The following NREP variants were observed in gnomAD, a reference collection of about 807,000 sequenced individuals.
The protein encoded by NREP is neuronal regeneration-related protein.
NREP carries 5 observed loss-of-function variants against 8.6 expected under a neutral mutation model. The ratio of observed to expected loss-of-function variants is 0.58; its 90% CI spans 0.30 to 1.22. The LOEUF (loss-of-function observed/expected upper bound fraction) is 1.22, where lower values mean the gene tolerates loss of function less well. Among genes scored for constraint, NREP ranks in the 50% most tolerant of loss-of-function variants. The pLI, the probability that NREP is intolerant of heterozygous loss-of-function variation, is 0.07. For missense variants in NREP, 86 were observed against 82.5 expected (o/e 1.04, Z -0.17); for synonymous variants, 27 against 28.0 (o/e 0.96, Z 0.11).
intron 2 of NREP, among the ~76,000 whole-genome samples, chr5:111,857,709 G>A (rs562131918): frequency 1.3e-5 from 2 of 152,164 alleles, no homozygotes; most frequent in African/African-American, 4.8e-5. Flanking sequence ...CTTTTTGTTG[G>A]TTTTGTTCAC....
intron 2 of NREP, among the ~76,000 whole-genome samples, chr5:111,858,781 G>C (rs924794098): frequency 6.6e-6 from 1 of 152,086 alleles, no homozygotes; most frequent in South Asian, 2.1e-4. Flanking sequence ...GCTAGAACTT[G>C]ATCTGGCCAT....
intron 2 of NREP, among the ~76,000 whole-genome samples, chr5:111,915,840 G>T (rs942463565): frequency 6.6e-6 from 1 of 151,840 alleles, no homozygotes; most frequent in Non-Finnish European, 1.5e-5. Context: ...TTGATTTCAC[G>T]GCCTGTTCAT....
chr5:111,974,786 A>G (rs1416166560), intron 2 of NREP, among the ~76,000 whole-genome samples: 1 of 152,230 alleles, frequency 6.6e-6, no homozygotes, highest in Non-Finnish European at 1.5e-5. Context: ...ATTCTTACAT[A>G]CCTATAAAAT....
At chr5:111,812,278 C>A (rs1017493193) in intron 2 of NREP, among the ~76,000 whole-genome samples, 2 of 151,246 alleles carry the variant, frequency 1.3e-5, no homozygotes, top group South Asian at 2.1e-4. Context: ...AAGAGTGAGA[C>A]CCTGTCTCAA....
chr5:111,939,583 G>T (rs527752587), intron 2 of NREP, among the ~76,000 whole-genome samples: 3 of 151,982 alleles, frequency 2.0e-5, no homozygotes, highest in East Asian at 3.9e-4. Flanking sequence ...TCGAGTTGCC[G>T]CACGTGCAAG....
chr5:111,815,611 C>T (rs567917213), intron 2 of NREP, among the ~76,000 whole-genome samples: 4 of 151,122 alleles, frequency 2.6e-5, no homozygotes, highest in East Asian at 1.9e-4. Context: ...ATACAATCAC[C>T]GATATAAAGA....
intron 2 of NREP, among the ~76,000 whole-genome samples, chr5:111,801,533 A>C (rs1207826040): frequency 2.0e-5 from 3 of 152,200 alleles, no homozygotes; most frequent in African/African-American, 7.2e-5. Context: ...CTTTTTCATC[A>C]AAGCAGAAGG....
chr5:111,763,791 C>A (rs185598683), intron 2 of NREP, among the ~76,000 whole-genome samples: 1 of 152,186 alleles, frequency 6.6e-6, no homozygotes, highest in Non-Finnish European at 1.5e-5. Flanking sequence ...TGTGCGCGCA[C>A]GCGCATGCTT....
intron 2 of NREP, among the ~76,000 whole-genome samples, chr5:111,875,545 G>T (rs764690337): frequency 6.6e-6 from 1 of 152,058 alleles, no homozygotes; most frequent in Non-Finnish European, 1.5e-5. Flanking sequence ...AAATTTCTTA[G>T]ACCACCAGAA....
intron 2 of NREP, among the ~76,000 whole-genome samples, chr5:111,958,052 C>A (rs1329632078): frequency 2.6e-5 from 4 of 151,746 alleles, no homozygotes; most frequent in African/African-American, 4.8e-5. Context: ...ACAGCAAACA[C>A]CTTATGAAAT....
chr5:111,757,395 A>G (rs2112856935), upstream of NREP: 4 of 974,154 alleles, frequency 4.1e-6, no homozygotes, highest in South Asian at 9.5e-5. Context: ...TCTCTCTCCA[A>G]GAGTGTGTGT....
intron 2 of NREP, among the ~76,000 whole-genome samples, chr5:111,863,925 G>T (rs1287997268): frequency 6.6e-6 from 1 of 152,098 alleles, no homozygotes; most frequent in African/African-American, 2.4e-5. Flanking sequence ...AGTGTTCCAA[G>T]ATATATGGAG....
intron 2 of NREP, among the ~76,000 whole-genome samples, chr5:111,780,194 G>A (rs1751460120): frequency 1.3e-5 from 2 of 152,218 alleles, no homozygotes; most frequent in African/African-American, 4.8e-5. Flanking sequence ...AAGAGATGGA[G>A]TAGGAAGCAA....
intron 2 of NREP, among the ~76,000 whole-genome samples, chr5:111,797,062 A>AAGAT (rs58573941): frequency 0.19 from 28,594 of 147,312 alleles, 2,742 homozygotes; most frequent in East Asian, 0.24. Context: ...AGTGTCTACT[A>AAGAT]AGATAGATAG....
intron 2 of NREP, among the ~76,000 whole-genome samples, chr5:111,943,076 CCT>C (rs1176947825): frequency 6.6e-6 from 1 of 151,896 alleles, no homozygotes; most frequent in Non-Finnish European, 1.5e-5. Flanking sequence ...CTCCTGTAGT[CCT>C]CTTTCCTTTT....
intron 2 of NREP, among the ~76,000 whole-genome samples, chr5:111,937,012 G>T (rs1755703958): frequency 6.6e-6 from 1 of 152,034 alleles, no homozygotes; most frequent in African/African-American, 2.4e-5. Context: ...TCCAGCATCT[G>T]TCTCCCTGAC....
At chr5:111,742,010 T>C (rs1259126882) in intron 2 of NREP, among the ~76,000 whole-genome samples, 5 of 152,132 alleles carry the variant, frequency 3.3e-5, no homozygotes, top group Admixed American at 6.6e-5. Context: ...TTTCATTGCC[T>C]GGTAAGTCCT....
chr5:111,837,951 T>C (rs75162098), intron 2 of NREP, among the ~76,000 whole-genome samples: 3,466 of 152,134 alleles, frequency 0.023, 51 homozygotes, highest in Non-Finnish European at 0.027. Context: ...TATAACACCA[T>C]CTACAATGCA....
chr5:111,828,269 A>T (rs1752675515), intron 2 of NREP, among the ~76,000 whole-genome samples: 1 of 152,092 alleles, frequency 6.6e-6, no homozygotes, highest in South Asian at 2.1e-4. Context: ...ACCTCAAGTG[A>T]TCCACCGCCT....
Sources: gnomAD v4.1 joint callset for allele counts (sites outside exome capture counted in the v4.1 genomes callset) on GRCh38, gnomAD v4.1.1 for gene constraint, MANE v1.5 for transcripts, NCBI Gene and HGNC (gene_info 2026-07-23, HGNC 2026-07-21) for gene names.